The following C8orf34 variants were observed in gnomAD, a reference collection of about 807,000 sequenced individuals.
C8orf34 encodes uncharacterized protein C8orf34.
Under a neutral mutation model 68.3 loss-of-function variants are expected in C8orf34, and 65 were observed. The observed-to-expected ratio is 0.95, with a 90% CI of 0.78 to 1.17. The LOEUF (loss-of-function observed/expected upper bound fraction) is 1.17, where lower values mean the gene tolerates loss of function less well. Ranked by LOEUF, C8orf34 falls within the 50% of genes most tolerant of loss-of-function variation. C8orf34 has a pLI of 0.00. For synonymous variants in C8orf34, 244 were observed against 241.2 expected (o/e 1.01, Z -0.11); for missense variants, 664 against 655.4 (o/e 1.01, Z -0.14).
intron 1 of C8orf34, among the ~76,000 whole-genome samples, chr8:68,436,043 C>A (rs538601669): frequency 1.3e-5 from 2 of 152,078 alleles, no homozygotes; most frequent in South Asian, 4.2e-4. Context: ...CCTATCTCTA[C>A]CAAAAAATAC....
At chr8:68,770,128 A>G (rs1401531542) in intron 10 of C8orf34, among the ~76,000 whole-genome samples, 1 of 152,228 alleles carries the variant, frequency 6.6e-6, no homozygotes, top group Non-Finnish European at 1.5e-5. Flanking sequence ...TTACCAAATA[A>G]TAATACCATA....
intron 8 of C8orf34, among the ~76,000 whole-genome samples, chr8:68,664,350 A>G (rs1340819740): frequency 3.3e-5 from 5 of 152,206 alleles, no homozygotes; most frequent in Non-Finnish European, 7.3e-5. Context: ...CCTAAATGGC[A>G]TAAGGAGTAA....
chr8:68,486,509 A>G (rs928733535), intron 4 of C8orf34, among the ~76,000 whole-genome samples: 1 of 152,206 alleles, frequency 6.6e-6, no homozygotes, highest in South Asian at 2.1e-4. Flanking sequence ...TTTATAAAAT[A>G]TTGAAGAATA....
At chr8:68,613,897 G>T in intron 7 of C8orf34, among the ~76,000 whole-genome samples, 1 of 151,976 alleles carries the variant, frequency 6.6e-6, no homozygotes, top group Non-Finnish European at 1.5e-5. Flanking sequence ...CTAGTTTACA[G>T]TCCCACCAAC....
At chr8:68,720,110 T>A (rs1260353207) in intron 9 of C8orf34, among the ~76,000 whole-genome samples, 1 of 152,010 alleles carries the variant, frequency 6.6e-6, no homozygotes, top group African/African-American at 2.4e-5. Flanking sequence ...TGCTTATTTT[T>A]AATATCTATG....
At chr8:68,802,491 A>G (rs1585906618) in intron 12 of C8orf34, among the ~76,000 whole-genome samples, 1 of 152,164 alleles carries the variant, frequency 6.6e-6, no homozygotes, top group African/African-American at 2.4e-5. Context: ...TTCATATGCC[A>G]TTTAAAACTT....
intron 8 of C8orf34, among the ~76,000 whole-genome samples, chr8:68,689,156 T>C (rs187333418): frequency 6.6e-6 from 1 of 152,084 alleles, no homozygotes; most frequent in African/African-American, 2.4e-5. Flanking sequence ...GAAAACCAAA[T>C]ACTCAATGTT....
At chr8:68,697,210 A>G (rs1820860719) in intron 8 of C8orf34, among the ~76,000 whole-genome samples, 1 of 151,468 alleles carries the variant, frequency 6.6e-6, no homozygotes, top group South Asian at 2.1e-4. Flanking sequence ...ATTTCCTTTT[A>G]TTTGCTGTAT....
chr8:68,682,621 T>A (rs1039688048), intron 8 of C8orf34, among the ~76,000 whole-genome samples: 6 of 152,178 alleles, frequency 3.9e-5, no homozygotes, highest in African/African-American at 1.2e-4. Flanking sequence ...AGGTGCCATA[T>A]TCTGACCTCT....
chr8:68,700,129 T>G (rs1246989339), intron 8 of C8orf34, among the ~76,000 whole-genome samples: 1 of 151,934 alleles, frequency 6.6e-6, no homozygotes, highest in Non-Finnish European at 1.5e-5. Context: ...ACAGCAAGAG[T>G]GCCTACCGAC....
intron 5 of C8orf34, among the ~76,000 whole-genome samples, chr8:68,516,978 C>T (rs184908150): frequency 6.6e-4 from 101 of 152,074 alleles, no homozygotes; most frequent in Non-Finnish European, 1.2e-3. Context: ...TGCTTAAGAA[C>T]GTCAAAACCT....
intron 7 of C8orf34, among the ~76,000 whole-genome samples, chr8:68,610,134 A>T (rs55672507): frequency 0.028 from 4,323 of 152,302 alleles, 197 homozygotes; most frequent in African/African-American, 0.098. Flanking sequence ...AGATATATGC[A>T]ATATGGAATT....
chr8:68,412,458 A>G (rs1292289728), intron 1 of C8orf34, among the ~76,000 whole-genome samples: 2 of 152,120 alleles, frequency 1.3e-5, no homozygotes, highest in Non-Finnish European at 2.9e-5. Flanking sequence ...TTTGAACTCC[A>G]TGCCATCAGA....
chr8:68,667,913 T>C (rs1369937287), intron 8 of C8orf34, among the ~76,000 whole-genome samples: 2 of 152,254 alleles, frequency 1.3e-5, no homozygotes, highest in South Asian at 2.1e-4. Context: ...AATATGAAAC[T>C]GAATCATTTT....
chr8:68,411,496 G>T (rs922044016), intron 1 of C8orf34, among the ~76,000 whole-genome samples: 13 of 152,138 alleles, frequency 8.5e-5, no homozygotes, highest in Admixed American at 6.6e-5. Context: ...CTCAGCAAGG[G>T]TTTGTAGAAA....
intron 11 of C8orf34, among the ~76,000 whole-genome samples, chr8:68,785,441 A>G (rs1415316574): frequency 6.6e-6 from 1 of 152,146 alleles, no homozygotes; most frequent in Non-Finnish European, 1.5e-5. Context: ...CAGAGTACAT[A>G]TATAGTGGTT....
chr8:68,436,178 A>G (rs1810658158), intron 1 of C8orf34, among the ~76,000 whole-genome samples: 2 of 152,144 alleles, frequency 1.3e-5, no homozygotes, highest in African/African-American at 4.8e-5. Flanking sequence ...ACTGCACTCT[A>G]TCCTCACCCT....
At chr8:68,408,834 G>A (rs962884669) in intron 1 of C8orf34, among the ~76,000 whole-genome samples, 3 of 151,938 alleles carry the variant, frequency 2.0e-5, no homozygotes, top group Admixed American at 6.6e-5. Flanking sequence ...TGTCACCCAG[G>A]CTAGAGTGCA....
intron 8 of C8orf34, among the ~76,000 whole-genome samples, chr8:68,664,896 T>C (rs755994511): frequency 6.6e-6 from 1 of 152,214 alleles, no homozygotes; most frequent in Non-Finnish European, 1.5e-5. Flanking sequence ...ATATTTTAGA[T>C]GGTTTAGATA....
Sources: gnomAD v4.1 joint callset for allele counts (sites outside exome capture counted in the v4.1 genomes callset) on GRCh38, gnomAD v4.1.1 for gene constraint, MANE v1.5 for transcripts, NCBI Gene and HGNC (gene_info 2026-07-23, HGNC 2026-07-21) for gene names.